The following TTC39B variants were observed in gnomAD, a reference collection of about 807,000 sequenced individuals.
TTC39B encodes tetratricopeptide repeat domain 39B.
TTC39B carries 92 observed loss-of-function variants against 96.6 expected under a neutral mutation model. The ratio of observed to expected loss-of-function variants is 0.95; its 90% CI spans 0.80 to 1.13. The LOEUF is 1.13. Ranked by LOEUF, TTC39B falls within the 50% of genes most tolerant of loss-of-function variation. TTC39B has a pLI of 0.00. For missense variants in TTC39B, 955 were observed against 809.3 expected, an observed-to-expected ratio of 1.18 and a Z score of -2.18; for synonymous variants, 367 against 299.4, an observed-to-expected ratio of 1.23 and a Z score of -2.33.
chr9:15,295,938 T>A (rs148751655), intron 1 of TTC39B, among the ~76,000 whole-genome samples: 96 of 152,296 alleles, frequency 6.3e-4, no homozygotes, highest in African/African-American at 2.3e-3. Context: ...CAGGCCTCAC[T>A]TCCCCCTCTT....
chr9:15,253,852 C>T (rs1822653791), intron 2 of TTC39B, among the ~76,000 whole-genome samples: 1 of 152,148 alleles, frequency 6.6e-6, no homozygotes. Flanking sequence ...GAATTATATG[C>T]CTTAATTTGC....
intron 2 of TTC39B, among the ~76,000 whole-genome samples, chr9:15,226,308 T>A (rs1001408455): frequency 1.3e-5 from 2 of 152,176 alleles, no homozygotes; most frequent in Non-Finnish European, 2.9e-5. Flanking sequence ...TCCGTCCAGG[T>A]TTTTTCCCAA....
intron 3 of TTC39B, among the ~76,000 whole-genome samples, chr9:15,220,476 T>G (rs1820783630): frequency 6.6e-6 from 1 of 152,208 alleles, no homozygotes; most frequent in Admixed American, 6.5e-5. Flanking sequence ...GAAAAGTATA[T>G]GAGGATATGA....
At chr9:15,214,414 T>C (rs1820396908) in intron 3 of TTC39B, among the ~76,000 whole-genome samples, 165 bp from the exon 4 acceptor site, 1 of 151,224 alleles carries the variant, frequency 6.6e-6, no homozygotes, top group Non-Finnish European at 1.5e-5. Flanking sequence ...TGGTTATACA[T>C]AGGAAAAAAA....
chr9:15,249,854 T>G, intron 2 of TTC39B: 2 of 1,123,246 alleles, frequency 1.8e-6, no homozygotes, highest in Non-Finnish European at 2.2e-6. Flanking sequence ...TAAACCCTCA[T>G]AGATTTAAAG....
At chr9:15,230,682 T>G (rs1313002313) in intron 2 of TTC39B, among the ~76,000 whole-genome samples, 1 of 152,204 alleles carries the variant, frequency 6.6e-6, no homozygotes, top group East Asian at 1.9e-4. Flanking sequence ...GTTATGAACA[T>G]TCATGTACAA....
At chr9:15,282,798 A>C (rs967599768) in intron 1 of TTC39B, among the ~76,000 whole-genome samples, 4 of 152,198 alleles carry the variant, frequency 2.6e-5, no homozygotes, top group African/African-American at 4.8e-5. Context: ...AAGCATGTAT[A>C]AGTGGCAGAA....
chr9:15,251,969 C>T (rs1023908276), intron 2 of TTC39B, among the ~76,000 whole-genome samples: 9 of 151,808 alleles, frequency 5.9e-5, no homozygotes, highest in African/African-American at 2.2e-4. Flanking sequence ...CCACAAGGTC[C>T]CTGCTCCCCT....
chr9:15,183,108 C>A (rs945611109), intron 16 of TTC39B, among the ~76,000 whole-genome samples: 8 of 151,970 alleles, frequency 5.3e-5, no homozygotes, highest in Non-Finnish European at 4.4e-5. Context: ...ATGAAGTAAG[C>A]AGGGTAATTA....
At chr9:15,166,983 TATATATATATATATATATATATA>T (rs1817530800) in exon 20 of TTC39B, 1 of 4,356 alleles carries the variant, frequency 2.3e-4, no homozygotes, top group African/African-American at 4.4e-4. Context: ...ACCTTTATTT[TATATATATATATATATATATATA>T]TATATATATA....
At chr9:15,199,985 C>T in intron 7 of TTC39B, 60 bp from the exon 8 acceptor site, 1 of 957,868 alleles carries the variant, frequency 1.0e-6, no homozygotes, top group Admixed American at 2.4e-5. Context: ...ATTGTCCCCA[C>T]AGTTGTGTGT....
intron 2 of TTC39B, among the ~76,000 whole-genome samples, chr9:15,233,342 C>CTCTCCCTCTCTCTCCCCACGG (rs1821539833): frequency 6.6e-6 from 1 of 152,046 alleles, no homozygotes; most frequent in Non-Finnish European, 1.5e-5. Flanking sequence ...CTCCCTCTCC[C>CTCTCCCTCTCTCTCCCCACGG]TCTCCCTCTC....
chr9:15,187,418 T>C (rs903815854), intron 14 of TTC39B, among the ~76,000 whole-genome samples: 1 of 152,210 alleles, frequency 6.6e-6, no homozygotes, highest in Non-Finnish European at 1.5e-5. Flanking sequence ...CATAACTTTA[T>C]AAGTACAACT....
At chr9:15,271,920 C>A (rs12337475) in intron 1 of TTC39B, among the ~76,000 whole-genome samples, 34,663 of 152,008 alleles carry the variant, frequency 0.23, 6,489 homozygotes, top group African/African-American at 0.52. Flanking sequence ...ATACTTGGAC[C>A]CGGAGATGGC....
chr9:15,198,346 G>A (rs1819303953), intron 8 of TTC39B, among the ~76,000 whole-genome samples: 1 of 151,602 alleles, frequency 6.6e-6, no homozygotes. Context: ...AGTCCTAGCT[G>A]CTCGGGAGGC....
At chr9:15,209,666 C>T (rs907149694) in intron 6 of TTC39B, among the ~76,000 whole-genome samples, 2 of 152,084 alleles carry the variant, frequency 1.3e-5, no homozygotes, top group Non-Finnish European at 2.9e-5. Flanking sequence ...TCTAGGACAC[C>T]ATTATTCATA....
intron 2 of TTC39B, chr9:15,249,720 T>A: frequency 3.8e-6 from 1 of 262,644 alleles, no homozygotes; most frequent in Non-Finnish European, 6.7e-6. Context: ...GGGGGGAGGG[T>A]CAGAGGGGAA....
At chr9:15,283,345 A>C (rs1411522767) in intron 1 of TTC39B, among the ~76,000 whole-genome samples, 1 of 152,208 alleles carries the variant, frequency 6.6e-6, no homozygotes, top group Admixed American at 6.5e-5. Flanking sequence ...GTCACTATGG[A>C]GATATACATA....
rs35283660 is a variant in TTC39B at position 15,183,464 on chromosome 9, C to CAA, written c.1615-1051_1615-1050dup. 1,996 of 259,230 alleles carry CAA rather than the reference C, an allele frequency of 7.7e-3. 19 individuals are homozygous for CAA. Among genetic ancestry groups the CAA allele is most frequent in the African/African-American group, 0.026 (1,027 of 38,874 alleles). The allele number at this position is 259,230 out of a possible 1,614,324, so 16.1% of individuals were successfully genotyped here. A position where few individuals can be genotyped will look rare whatever the true frequency, so the allele number is the denominator to read the frequency against. On this transcript the variant is annotated intron_variant, in intron 16 of 19. Transcript: ENST00000512701. Reference sequence around the variant, plus strand: ...AGGCTTTTGGTAAAATTCCTAGGTACAAAAAAAAAAAAAAAAATCCCAGTA... The same window carrying CAA: ...AGGCTTTTGGTAAAATTCCTAGGTACAAAAAAAAAAAAAAAAAAATCCCAGTA...
Sources: gnomAD v4.1 joint callset for allele counts (sites outside exome capture counted in the v4.1 genomes callset) on GRCh38, gnomAD v4.1.1 for gene constraint, MANE v1.5 for transcripts, NCBI Gene and HGNC (gene_info 2026-07-23, HGNC 2026-07-21) for gene names.